Variants in MYCBP2 observed in about 807,000 individuals in gnomAD.
MYCBP2 encodes the protein MYC binding protein 2, also known as E3 ubiquitin-protein ligase MYCBP2.
In MYCBP2, 120 loss-of-function variants were observed where a neutral mutation model predicts 525.3. The observed-to-expected ratio is 0.23, with a 90% confidence interval of 0.20 to 0.27. The LOEUF (loss-of-function observed/expected upper bound fraction) is 0.27. MYCBP2 is among the 10% of genes least tolerant of loss of function. MYCBP2 has a pLI of 1.00. For missense variants in MYCBP2, 4,149 were observed against 5,657.1 expected (o/e 0.73, Z 8.55); for synonymous variants, 1,894 against 1,955.8 (o/e 0.97, Z 0.83).
At chr13:77,117,969 A>T (rs2050066838) in intron 55 of MYCBP2, among the ~76,000 whole-genome samples, 1 of 152,204 alleles carries the variant, frequency 6.6e-6, no homozygotes, top group Non-Finnish European at 1.5e-5. Context: ...TACATTTCAT[A>T]GATACCAAAT....
chr13:77,172,003 C>T (rs1377094256), intron 37 of MYCBP2, among the ~76,000 whole-genome samples: 2 of 152,034 alleles, frequency 1.3e-5, no homozygotes, highest in South Asian at 2.1e-4. Context: ...CAGGTTCAAG[C>T]GATTCTCCTC....
chr13:77,045,627 G>T (rs886595980), intron 82 of MYCBP2, 134 bp from the exon 83 acceptor site: 12 of 635,728 alleles, frequency 1.9e-5, no homozygotes, highest in Non-Finnish European at 8.1e-6. Flanking sequence ...ATAACATTTA[G>T]AAATTTTTCT....
intron 66 of MYCBP2, 150 bp from the exon 67 acceptor site, chr13:77,077,537 C>T: frequency 1.1e-6 from 1 of 892,954 alleles, no homozygotes; most frequent in Non-Finnish European, 1.7e-6. Flanking sequence ...TTTCTTATTT[C>T]AACCAGGTGA....
Position 77,224,512 on chromosome 13 carries a change from C to T in MYCBP2, c.2878G>A (p.Asp960Asn). The change falls in exon 20 of 83, where the codon GAT (aspartate) becomes AAT (asparagine). Residue 960 changes from aspartate (D) to asparagine (N), a missense_variant. Physicochemically the swap from Asp to Asn is conservative, Grantham distance 23. Coordinates refer to ENST00000544440, the MANE Select transcript of MYCBP2 (RefSeq NM_015057.5). ...TGCCCATAACCAAATGTATAGACAT[C>T]TCCATTTTCCATTAAAACCACTGCA... ...HHSVVLMENGDVYTFGYGQHG... is the reference protein window; with the variant it reads ...HHSVVLMENGNVYTFGYGQHG... 1.9e-6 allele frequency: 3 copies of T among 1,606,740 alleles called. No individual in the cohort carries two copies. Among genetic ancestry groups the T allele is most frequent in the Non-Finnish European group, 2.6e-6 (3 of 1,175,854 alleles).
At chr13:77,053,409 T>G (rs2328998) in intron 80 of MYCBP2, among the ~76,000 whole-genome samples, 5,048 of 152,240 alleles carry the variant, frequency 0.033, 220 homozygotes, top group East Asian at 0.17. Flanking sequence ...GGATTGGGAA[T>G]AAACAAACTG....
Position 77,058,359 on chromosome 13 carries a change from T to A in MYCBP2, c.13188A>T (p.Pro4396=), listed in dbSNP as rs768841585. The change falls in exon 78 of 83, where the codon CCA becomes CCT. Residue 4396 remains proline, a synonymous_variant. Transcript: ENST00000544440. The surrounding 1 kb of genome is among the most constrained non-coding windows in gnomAD (Gnocchi z 4.1). ...GCTCTTCGTTTTTAACACCCCCGCA[T>A]GGATGGCCACAAGGATGCGTCTTAC... ...ACSKTHPCGH[P]CGGVKNEEHC... The A allele has an allele frequency of 1.9e-6, 3 of 1,613,854 alleles. No individual in the cohort carries two copies. In the Admixed American group the frequency reaches 5.0e-5, roughly 27 times the overall value.
At chr13:77,200,322 C>T (rs554970028) in intron 26 of MYCBP2, among the ~76,000 whole-genome samples, 12 of 151,970 alleles carry the variant, frequency 7.9e-5, no homozygotes, top group African/African-American at 2.7e-4. Flanking sequence ...TGAAGTGAAG[C>T]GAGAAGGGAA....
Position 77,051,032 on chromosome 13 carries a change from C to A in MYCBP2, c.13886G>T (p.Ser4629Ile). The change falls in exon 82 of 83, where the codon AGC (serine) becomes ATC (isoleucine). Residue 4629 changes from serine to isoleucine, a missense_variant. This residue lies in a region of MYCBP2 where 45 missense variants were observed against 130.1 expected (regional missense o/e 0.35). Transcript: ENST00000544440. ...ACHDDFQRMT[S>I]IPKEELPHCP... ...GTGTGGTAGTTCTTCCTTAGGAATG[C>A]TAGTCATTCTTTGAAAATCATCATG... 5 of 1,613,060 alleles carry A rather than the reference C, an allele frequency of 3.1e-6. No homozygotes were observed. Among genetic ancestry groups the A allele is most frequent in the Non-Finnish European group, 4.2e-6 (5 of 1,179,680 alleles).
intron 13 of MYCBP2, among the ~76,000 whole-genome samples, chr13:77,259,772 C>A (rs1167445441): frequency 6.6e-6 from 1 of 152,212 alleles, no homozygotes; most frequent in Non-Finnish European, 1.5e-5. Context: ...ATATTTATCA[C>A]ACATAAAATC....
chr13:77,151,406 C>G (rs1197532430), intron 46 of MYCBP2, among the ~76,000 whole-genome samples: 23 of 152,132 alleles, frequency 1.5e-4, no homozygotes, highest in Admixed American at 1.5e-3. Flanking sequence ...ATAGAAGTTT[C>G]AAAAATTAAC....
At chr13:77,073,808 A>C (rs148320479) in intron 68 of MYCBP2, among the ~76,000 whole-genome samples, 1 of 152,278 alleles carries the variant, frequency 6.6e-6, no homozygotes, top group African/African-American at 2.4e-5. Flanking sequence ...AATGTTTAGG[A>C]ATAAATTTAA....
chr13:77,168,713 C>T (rs1052212255), intron 39 of MYCBP2, 67 bp from the exon 40 acceptor site: 4 of 1,398,386 alleles, frequency 2.9e-6, no homozygotes, highest in Admixed American at 1.8e-5. Context: ...TTATGCATTA[C>T]AATAATTGTT....
chr13:77,119,167 G>A (rs1307151872), intron 55 of MYCBP2, among the ~76,000 whole-genome samples: 3 of 151,954 alleles, frequency 2.0e-5, no homozygotes, highest in Admixed American at 6.6e-5. Context: ...CTAAAATATC[G>A]ATTCTAACAT....
rs1358980856 is a variant in MYCBP2 at position 77,098,122 on chromosome 13, T to C, written c.9032A>G (p.Asp3011Gly). ...GGCTGGCTCTAAAGGCTTGGATCCA[T>C]CTCCTTTGAAAAGAAAACTCGATTT... ...KEKSSFLFKG[D>G]GSKPLEPAKQ... is the part of the protein sequence containing the mutation. The change falls in exon 56 of 83, where the codon GAT (aspartate) becomes GGT (glycine). Residue 3011 changes from aspartate (D) to glycine (G), a missense_variant. By Grantham distance (94) the Asp-to-Gly change is moderately conservative (BLOSUM62 -1). This residue lies in a region of MYCBP2 where 653 missense variants were observed against 744.7 expected (regional missense o/e 0.88). Coordinates refer to ENST00000544440, the MANE Select transcript of MYCBP2 (RefSeq NM_015057.5). 6.2e-6 allele frequency: 10 copies of C among 1,613,490 alleles called. No homozygotes were observed. The highest frequency in any genetic ancestry group is 7.6e-6 in the Non-Finnish European group (9 of 1,179,782).
intron 3 of MYCBP2, among the ~76,000 whole-genome samples, chr13:77,281,426 A>T (rs2076176755): frequency 6.6e-6 from 1 of 152,054 alleles, no homozygotes; most frequent in Admixed American, 6.5e-5. Context: ...ATTTAATAAA[A>T]ATAATAATTA....
chr13:77,237,893 A>G (rs2068172681), intron 17 of MYCBP2, among the ~76,000 whole-genome samples: 3 of 152,190 alleles, frequency 2.0e-5, no homozygotes, highest in Non-Finnish European at 4.4e-5. Flanking sequence ...ATATCAGCTA[A>G]TATTGGATTT....
At chr13:77,213,611 T>C (rs957801920) in intron 21 of MYCBP2, among the ~76,000 whole-genome samples, 1 of 152,204 alleles carries the variant, frequency 6.6e-6, no homozygotes, top group African/African-American at 2.4e-5. Context: ...TACTACCAAC[T>C]AATATGAAGA....
intron 36 of MYCBP2, among the ~76,000 whole-genome samples, chr13:77,175,600 A>G (rs1036458258): frequency 2.6e-5 from 4 of 152,236 alleles, no homozygotes; most frequent in African/African-American, 4.8e-5. Flanking sequence ...ATTCAGAAAT[A>G]CTTTAATTTT....
chr13:77,237,692 A>G (rs186977981), intron 17 of MYCBP2, among the ~76,000 whole-genome samples: 31 of 152,302 alleles, frequency 2.0e-4, no homozygotes, highest in Middle Eastern at 3.4e-3. Context: ...GGGAATACAA[A>G]CAGGACACCA....
Sources: gnomAD v4.1 joint callset for allele counts (sites outside exome capture counted in the v4.1 genomes callset) on GRCh38, gnomAD v4.1.1 for gene constraint, gnomAD v4.1.1 regional missense constraint, Gnocchi (gnomAD v3.1) non-coding constraint, MANE v1.5 for transcripts, NCBI Gene and HGNC (gene_info 2026-07-23, HGNC 2026-07-21) for gene names.